ADAMTS3: variants seen among roughly 807,000 people sequenced by gnomAD.
ADAMTS3 encodes ADAM metallopeptidase with thrombospondin type 1 motif 3, also known as A disintegrin and metalloproteinase with thrombospondin motifs 3.
ADAMTS3 carries 73 observed loss-of-function variants against 129.0 expected under a neutral mutation model. That is an observed-to-expected ratio of 0.57 (90% CI 0.47 to 0.69). The LOEUF is 0.69. Among genes scored for constraint, ADAMTS3 ranks in the 30% least tolerant of loss-of-function variants. ADAMTS3 has a pLI of 0.00. For synonymous variants in ADAMTS3, 477 were observed against 510.8 expected (o/e 0.93, Z 0.89); for missense variants, 1,457 against 1,514.5 (o/e 0.96, Z 0.63).
At chr4:72,363,568 C>A (rs72862400) in intron 4 of ADAMTS3, among the ~76,000 whole-genome samples, 7,299 of 151,984 alleles carry the variant, frequency 0.048, 591 homozygotes, top group African/African-American at 0.17. Flanking sequence ...AATCTATAAG[C>A]GCAATTATTT....
At chr4:72,453,482 TAGAC>T (rs1359010517) in intron 3 of ADAMTS3, among the ~76,000 whole-genome samples, 1 of 151,798 alleles carries the variant, frequency 6.6e-6, no homozygotes, top group African/African-American at 2.4e-5. Context: ...TTATCCCTGT[TAGAC>T]AGATGAGGAA....
At chr4:72,358,139 G>A (rs574894532) in intron 4 of ADAMTS3, among the ~76,000 whole-genome samples, 9 of 152,038 alleles carry the variant, frequency 5.9e-5, no homozygotes, top group Admixed American at 4.6e-4. Flanking sequence ...ATATATGCCA[G>A]CTTTTTGCCA....
chr4:72,476,743 C>T (rs893852546), intron 3 of ADAMTS3, among the ~76,000 whole-genome samples: 5 of 151,866 alleles, frequency 3.3e-5, no homozygotes, highest in Non-Finnish European at 7.4e-5. Flanking sequence ...TGCAAAAAAT[C>T]ATTAACAAAA....
chr4:72,296,341 C>T (rs369845494), intron 18 of ADAMTS3, among the ~76,000 whole-genome samples: 1 of 151,878 alleles, frequency 6.6e-6, no homozygotes, highest in Non-Finnish European at 1.5e-5. Context: ...GAAGAGTGCA[C>T]GAGTTAGGGA....
At chr4:72,532,791 A>G (rs991427159) in intron 3 of ADAMTS3, among the ~76,000 whole-genome samples, 4 of 152,186 alleles carry the variant, frequency 2.6e-5, no homozygotes, top group African/African-American at 9.7e-5. Flanking sequence ...TAACATAGGA[A>G]GTATTTGTGT....
chr4:72,515,672 T>C (rs959097064), intron 3 of ADAMTS3, among the ~76,000 whole-genome samples: 12 of 152,010 alleles, frequency 7.9e-5, no homozygotes, highest in African/African-American at 2.9e-4. Flanking sequence ...CGCCCACTTT[T>C]TGATGGGGTT....
intron 12 of ADAMTS3, 53 bp downstream of exon 12, chr4:72,313,624 G>A: frequency 6.4e-7 from 1 of 1,564,778 alleles, no homozygotes; most frequent in Non-Finnish European, 8.7e-7. Flanking sequence ...ACATAATATT[G>A]AAGTATTTTC....
intron 3 of ADAMTS3, among the ~76,000 whole-genome samples, chr4:72,519,329 T>C (rs1244301389): frequency 1.3e-5 from 2 of 152,164 alleles, no homozygotes; most frequent in African/African-American, 4.8e-5. Context: ...GAGTTGCTCT[T>C]CTCGAGGAGT....
intron 5 of ADAMTS3, among the ~76,000 whole-genome samples, chr4:72,326,847 A>G (rs1040537761): frequency 3.3e-5 from 5 of 152,160 alleles, no homozygotes; most frequent in African/African-American, 1.2e-4. Context: ...TCTAGTTTAA[A>G]TTATCAATAA....
chr4:72,322,334 G>C (rs1269286004), intron 6 of ADAMTS3, among the ~76,000 whole-genome samples: 5 of 152,182 alleles, frequency 3.3e-5, no homozygotes, highest in Non-Finnish European at 5.9e-5. Context: ...CTATGGGAGA[G>C]AGATGTGTAA....
intron 21 of ADAMTS3, among the ~76,000 whole-genome samples, chr4:72,285,254 G>A (rs962937910): frequency 2.0e-5 from 3 of 152,178 alleles, no homozygotes; most frequent in African/African-American, 7.2e-5. Context: ...TGCTTGACAT[G>A]TGCAGGTCTA....
At chr4:72,361,125 C>T (rs2109855221) in intron 4 of ADAMTS3, among the ~76,000 whole-genome samples, 1 of 152,072 alleles carries the variant, frequency 6.6e-6, no homozygotes, top group Admixed American at 6.6e-5. Flanking sequence ...GAGCAACCCT[C>T]TTTTAAGATG....
Position 72,317,024 on chromosome 4 carries a change from CAT to C in ADAMTS3, c.1486-1055_1486-1054del, listed in dbSNP as rs148672680. 9.8e-3 allele frequency among the ~76,000 whole-genome samples: 1,497 copies of C among 152,168 alleles called. 32 individuals carry two copies. Among genetic ancestry groups the C allele is most frequent in the African/African-American group, 0.034 (1,430 of 41,516 alleles). ...ATATCCAAATGTTTGTATAAGCAAA[CAT>C]GTGTATTTGTGTGTTCTCTTTGCTT... On this transcript the variant is annotated intron_variant, in intron 10 of 21. Transcript: ENST00000286657.
intron 3 of ADAMTS3, among the ~76,000 whole-genome samples, chr4:72,496,300 C>T (rs903085078): frequency 6.6e-6 from 1 of 152,198 alleles, no homozygotes; most frequent in African/African-American, 2.4e-5. Flanking sequence ...TGGGCTTTCT[C>T]TTGCTGAAAG....
chr4:72,532,168 T>A (rs1458066002), intron 3 of ADAMTS3, among the ~76,000 whole-genome samples: 2 of 152,116 alleles, frequency 1.3e-5, no homozygotes, highest in Non-Finnish European at 2.9e-5. Context: ...TTAGGGTCTG[T>A]CAGTAACTGA....
At chr4:72,432,180 G>A (rs1722717063) in intron 3 of ADAMTS3, among the ~76,000 whole-genome samples, 1 of 151,880 alleles carries the variant, frequency 6.6e-6, no homozygotes, top group Non-Finnish European at 1.5e-5. Flanking sequence ...CCACAATTAG[G>A]TGTGTCCAGA....
chr4:72,420,400 T>G (rs917924583), intron 3 of ADAMTS3, among the ~76,000 whole-genome samples: 1 of 152,186 alleles, frequency 6.6e-6, no homozygotes, highest in Non-Finnish European at 1.5e-5. Flanking sequence ...GGACTATGCA[T>G]GGCTAACATT....
At chr4:72,413,586 T>A (rs1722232173) in intron 4 of ADAMTS3, among the ~76,000 whole-genome samples, 1 of 152,018 alleles carries the variant, frequency 6.6e-6, no homozygotes, top group Non-Finnish European at 1.5e-5. Flanking sequence ...ACAGCTAGCA[T>A]TCATTAAGCA....
At chr4:72,322,895 A>G (rs999825020) in intron 6 of ADAMTS3, 119 bp downstream of exon 6, 1 of 718,604 alleles carries the variant, frequency 1.4e-6, no homozygotes, top group Non-Finnish European at 2.3e-6. Flanking sequence ...AATTTCAAGC[A>G]ACTAGGGGTT....
Sources: gnomAD v4.1 joint callset for allele counts (sites outside exome capture counted in the v4.1 genomes callset) on GRCh38, gnomAD v4.1.1 for gene constraint, MANE v1.5 for transcripts, NCBI Gene and HGNC (gene_info 2026-07-23, HGNC 2026-07-21) for gene names.